Variants in DAB1 observed in about 807,000 individuals in gnomAD.
The protein encoded by DAB1 is DAB adaptor protein 1, also known as disabled homolog 1.
Under a neutral mutation model 64.6 loss-of-function variants are expected in DAB1, and 15 were observed. The ratio of observed to expected loss-of-function variants is 0.23; its 90% confidence interval spans 0.16 to 0.36. The LOEUF is 0.36. Ranked by LOEUF, DAB1 falls within the 10% of genes least tolerant of loss-of-function variation. DAB1 has a pLI of 1.00. For missense variants in DAB1, 596 were observed against 706.7 expected, an observed-to-expected ratio of 0.84 and a Z score of 1.78; for synonymous variants, 235 against 251.9, an observed-to-expected ratio of 0.93 and a Z score of 0.64.
intron 7 of DAB1, among the ~76,000 whole-genome samples, chr1:57,574,443 A>G (rs972695205): frequency 1.3e-5 from 2 of 152,192 alleles, no homozygotes; most frequent in Non-Finnish European, 2.9e-5. Context: ...CTGTTCATAT[A>G]TCATCTCTCT....
rs114710909 is a variant in DAB1 at position 57,830,477 on chromosome 1, G to A, written n.88-4022C>T. Among the ~76,000 whole-genome samples, 209 of 152,282 alleles carry A rather than the reference G, an allele frequency of 1.4e-3. 1 individual carries two copies. The highest frequency in any genetic ancestry group is 2.9e-3 in the East Asian group (15 of 5,180). ...GAGGCAGGATTTAAACCCAGGCAGC[G>A]TGACCTCAAAGCTGGCCTTCTCAAA... On this transcript the variant is annotated intron_variant and non_coding_transcript_variant, in intron 1 of 1. Coordinates refer to the DAB1 transcript ENST00000477280.
At chr1:57,187,228 G>T (rs758064297) in intron 2 of DAB1, among the ~76,000 whole-genome samples, 2 of 151,986 alleles carry the variant, frequency 1.3e-5, no homozygotes, top group African/African-American at 4.8e-5. Context: ...TAGGAAGCTC[G>T]GATCCAAATC....
intron 7 of DAB1, among the ~76,000 whole-genome samples, chr1:57,429,207 T>C (rs1685408755): frequency 6.6e-6 from 1 of 152,206 alleles, no homozygotes; most frequent in African/African-American, 2.4e-5. Context: ...TCTCTCGTTA[T>C]GGTTTTCATT....
chr1:57,959,958 C>A (rs561498179), intron 5 of DAB1, among the ~76,000 whole-genome samples: 6 of 152,148 alleles, frequency 3.9e-5, no homozygotes, highest in Admixed American at 1.3e-4. Context: ...TCTAGGCAAC[C>A]CTTGCATAAA....
intron 4 of DAB1, among the ~76,000 whole-genome samples, chr1:58,248,017 G>A (rs1660630292): frequency 6.6e-6 from 1 of 151,872 alleles, no homozygotes; most frequent in African/African-American, 2.4e-5. Flanking sequence ...AAGGAGCAAG[G>A]CTTTTGCTAG....
intron 3 of DAB1, among the ~76,000 whole-genome samples, chr1:58,462,127 T>G (rs1645249368): frequency 6.8e-6 from 1 of 147,080 alleles, no homozygotes; most frequent in Non-Finnish European, 1.5e-5. Flanking sequence ...TTTTTTTTTT[T>G]TTTTTTTTTT....
intron 4 of DAB1, among the ~76,000 whole-genome samples, chr1:58,183,512 G>C (rs897657673): frequency 2.0e-5 from 3 of 152,054 alleles, no homozygotes; most frequent in Admixed American, 6.6e-5. Flanking sequence ...CTTGTGACTT[G>C]CAACCAGTAT....
intron 7 of DAB1, among the ~76,000 whole-genome samples, chr1:57,520,072 T>C (rs1190608828): frequency 6.6e-6 from 1 of 152,206 alleles, no homozygotes; most frequent in Non-Finnish European, 1.5e-5. Context: ...TAACAAGTTA[T>C]TTTACCTCTG....
chr1:58,072,018 T>A (rs970781425), intron 5 of DAB1, among the ~76,000 whole-genome samples: 32 of 132,746 alleles, frequency 2.4e-4, no homozygotes, highest in African/African-American at 9.1e-4. Context: ...TATACCATGT[T>A]AGATGGTGGG....
At chr1:57,335,618 C>G (rs1171990516) in intron 1 of DAB1, among the ~76,000 whole-genome samples, 1 of 152,082 alleles carries the variant, frequency 6.6e-6, no homozygotes, top group East Asian at 1.9e-4. Flanking sequence ...ATTTAAGCCC[C>G]CAAATGGGTC....
rs1289390500 is a variant in DAB1 at position 57,439,435 on chromosome 1, T to C, written n.626-148269A>G. On this transcript the variant is annotated intron_variant and non_coding_transcript_variant, in intron 7 of 20. Coordinates refer to the DAB1 transcript ENST00000485760. Reference sequence around the variant, plus strand: ...GTGATGAGGTTTTTTCTTTTTTTTTTTTTTTTTTTTTTGAGACGGAGTCTC... The same window carrying C: ...GTGATGAGGTTTTTTCTTTTTTTTTCTTTTTTTTTTTTGAGACGGAGTCTC... Among the ~76,000 whole-genome samples the C allele has an allele frequency of 4.7e-4, 63 of 135,374 alleles. 4 individuals are homozygous for C. Among genetic ancestry groups the C allele is most frequent in the Non-Finnish European group, 6.3e-5 (4 of 63,540 alleles). The allele number at this position is 135,374 out of a possible 152,430, so 88.8% of individuals were successfully genotyped here.
chr1:57,120,207 T>A (rs1656510975), intron 4 of DAB1, among the ~76,000 whole-genome samples: 3 of 152,192 alleles, frequency 2.0e-5, no homozygotes, highest in African/African-American at 4.8e-5. Context: ...ACTACTTATC[T>A]CTGAATTTGA....
chr1:57,059,872 A>T (rs187665687), intron 9 of DAB1, among the ~76,000 whole-genome samples: 1 of 152,000 alleles, frequency 6.6e-6, no homozygotes, highest in South Asian at 2.1e-4. Flanking sequence ...TTTACTTCTT[A>T]CCTCTCTTAG....
intron 4 of DAB1, among the ~76,000 whole-genome samples, chr1:58,187,403 G>C (rs369989354): frequency 1.3e-5 from 2 of 151,272 alleles, no homozygotes; most frequent in Non-Finnish European, 2.9e-5. Context: ...CTTGAGCCTC[G>C]GAGTTTAGGT....
At chr1:56,999,459 T>G (rs1204189866) in intron 14 of DAB1, among the ~76,000 whole-genome samples, 1 of 152,192 alleles carries the variant, frequency 6.6e-6, no homozygotes, top group Non-Finnish European at 1.5e-5. Flanking sequence ...GCTTCAGAGT[T>G]TACAAAGCAC....
At chr1:57,660,337 C>T (rs1319571323) in intron 6 of DAB1, among the ~76,000 whole-genome samples, 7 of 152,178 alleles carry the variant, frequency 4.6e-5, no homozygotes, top group Admixed American at 4.6e-4. Flanking sequence ...GTTTTCTACT[C>T]TTAGTCAAAG....
At chr1:57,264,616 C>T (rs979491895) in intron 2 of DAB1, among the ~76,000 whole-genome samples, 4 of 152,160 alleles carry the variant, frequency 2.6e-5, no homozygotes, top group African/African-American at 7.2e-5. Context: ...ATGTCCTGTA[C>T]CTTAAACAAG....
At chr1:57,739,351 G>A (rs1363964905) in intron 6 of DAB1, among the ~76,000 whole-genome samples, 9 of 146,872 alleles carry the variant, frequency 6.1e-5, no homozygotes, top group Non-Finnish European at 1.3e-4. Flanking sequence ...ACATATTGAG[G>A]AGTCAGGGAA....
intron 1 of DAB1, among the ~76,000 whole-genome samples, chr1:57,859,725 A>G (rs1653922133): frequency 6.6e-6 from 1 of 152,156 alleles, no homozygotes; most frequent in African/African-American, 2.4e-5. Flanking sequence ...TTGGTATCTG[A>G]GATGGAATAT....
Sources: gnomAD v4.1 joint callset for allele counts (sites outside exome capture counted in the v4.1 genomes callset) on GRCh38, gnomAD v4.1.1 for gene constraint, MANE v1.5 for transcripts, NCBI Gene and HGNC (gene_info 2026-07-23, HGNC 2026-07-21) for gene names.